RNASEH2A: variants seen among roughly 807,000 people sequenced by gnomAD.
The protein encoded by RNASEH2A is ribonuclease H2 subunit A.
Under a neutral mutation model 32.7 loss-of-function variants are expected in RNASEH2A, and 30 were observed. The observed-to-expected ratio is 0.92, with a 90% CI of 0.69 to 1.25. The LOEUF (loss-of-function observed/expected upper bound fraction) is 1.25. RNASEH2A is among the 50% of genes most tolerant of loss of function. The pLI, the probability that RNASEH2A is intolerant of heterozygous loss-of-function variation, is 0.00. For synonymous variants in RNASEH2A, 147 were observed against 165.4 expected (o/e 0.89, Z 0.86); for missense variants, 409 against 398.1 (o/e 1.03, Z -0.23).
intron 4 of RNASEH2A, 123 bp from the exon 5 acceptor site, chr19:12,809,948 A>T: frequency 7.9e-7 from 1 of 1,269,604 alleles, no homozygotes; most frequent in Non-Finnish European, 1.1e-6. Flanking sequence ...TCCCTGATTG[A>T]TCCATCCTGG....
At chr19:12,810,245 C>A (rs909878970) in intron 5 of RNASEH2A, 37 bp downstream of exon 5, 1 of 1,614,214 alleles carries the variant, frequency 6.2e-7, no homozygotes, top group Non-Finnish European at 8.5e-7. Flanking sequence ...CTTCCACCAT[C>A]CCACTATATA....
chr19:12,810,968 T>C (rs747254601), intron 6 of RNASEH2A, among the ~76,000 whole-genome samples: 4 of 152,048 alleles, frequency 2.6e-5, no homozygotes, highest in Non-Finnish European at 5.9e-5. Flanking sequence ...TGGCCCTTTT[T>C]TTCTTCTTTT....
chr19:12,813,248 G>C, intron 7 of RNASEH2A, 42 bp downstream of exon 7: 1 of 1,613,996 alleles, frequency 6.2e-7, no homozygotes, highest in Non-Finnish European at 8.5e-7. Flanking sequence ...AGGGAAGGAA[G>C]GAGGGAGGCC....
rs1452556115 is a variant in RNASEH2A, at chr19:12,813,204, A to T, written c.759A>T (p.Ile253=). 6.2e-7 allele frequency: 1 copy of T among 1,613,856 alleles called. No homozygotes were observed. Among genetic ancestry groups the T allele is most frequent in the African/African-American group, 1.3e-5 (1 of 74,906 alleles). ...TGGAGAAAGAGGCGGAAGATGTTAT[A>T]TGGTGGGTGTCATGGATGTCCTGGG... ...TILEKEAEDV[I]WEDSASENQE... The change falls in exon 7 of 8, where the codon ATA becomes ATT. Residue 253 remains isoleucine, a splice_region_variant and synonymous_variant. Transcript: ENST00000221486.
At position 12,813,117 on chromosome 19, in the gene RNASEH2A, G is replaced by A; in HGVS notation, c.672G>A (p.Val224=). The change falls in exon 7 of 8, where the codon GTG becomes GTA. Residue 224 remains valine (V), a synonymous_variant. Transcript: ENST00000221486. ...PKTKAWLKEH[V]EPVFGFPQFV... ...CAAAAGCGTGGTTGAAGGAGCACGTGGAGCCTGTGTTCGGCTTCCCCCAGT... is the reference window on the plus strand; with the variant it reads ...CAAAAGCGTGGTTGAAGGAGCACGTAGAGCCTGTGTTCGGCTTCCCCCAGT... 1 of 1,614,130 alleles carries A rather than the reference G, an allele frequency of 6.2e-7. No individual in the cohort carries two copies.
At chr19:12,807,127 G>C (rs1030736567) in intron 2 of RNASEH2A, 48 bp downstream of exon 2, 5 of 1,614,060 alleles carry the variant, frequency 3.1e-6, no homozygotes, top group Non-Finnish European at 4.2e-6. Context: ...GGTATGTGCA[G>C]GGGCAGGTGA....
At chr19:12,807,684 C>T in intron 4 of RNASEH2A, 178 bp downstream of exon 4, 1 of 669,418 alleles carries the variant, frequency 1.5e-6, no homozygotes, top group East Asian at 2.8e-5. Context: ...ATAATCGCAG[C>T]ACTTTGGGAA....
At chr19:12,807,730 G>C (rs1452943703) in intron 4 of RNASEH2A, 17 of 560,792 alleles carry the variant, frequency 3.0e-5, no homozygotes, top group South Asian at 5.7e-5. Context: ...TCAAGAGTTC[G>C]AGACCAGCCT....
rs1303399988 is a variant in RNASEH2A, at chr19:12,813,444, T to C, written c.878T>C (p.Leu293Pro). Reference protein sequence around the residue: ...SSHRYFLERGLESATSL With the variant: ...SSHRYFLERGPESATSL ...CACCGATATTTCCTGGAACGCGGCC[T>C]GGAGTCAGCAACCAGCCTCTAGCAG... is the stretch of plus-strand genomic sequence containing the variant. Residue 293 changes from leucine to proline, a missense_variant, in exon 8 of 8, where the codon CTG (leucine) becomes CCG (proline). Leu to Pro is a moderately conservative substitution (Grantham distance 98, BLOSUM62 -3). Coordinates refer to ENST00000221486, the MANE Select transcript of RNASEH2A (RefSeq NM_006397.3). 1.2e-6 allele frequency: 2 copies of C among 1,613,772 alleles called. No individual in the cohort carries two copies. Among genetic ancestry groups the C allele is most frequent in the Admixed American group, 3.3e-5 (2 of 59,990 alleles).
intron 4 of RNASEH2A, chr19:12,807,906 C>T (rs1228562227): frequency 1.6e-5 from 5 of 303,758 alleles, no homozygotes; most frequent in South Asian, 9.1e-5. Context: ...CACTCCAACC[C>T]GGGCAACAGA....
chr19:12,813,307 G>A, intron 7 of RNASEH2A, 21 bp from the exon 8 acceptor site: 14 of 1,614,152 alleles, frequency 8.7e-6, no homozygotes, highest in Non-Finnish European at 1.2e-5. Flanking sequence ...AGTGGTCACT[G>A]TCATCACCTC....
chr19:12,807,472 A>G lies in RNASEH2A; in HGVS notation c.377A>G (p.Gln126Arg). 6.2e-7 allele frequency: 1 copy of G among 1,614,200 alleles called. No homozygotes were observed. The highest frequency in any genetic ancestry group is 8.5e-7 in the Non-Finnish European group (1 of 1,180,044). Residue 126 changes from glutamine (Q) to arginine (R), a missense_variant, in exon 4 of 8, where the codon CAG becomes CGG. Transcript: ENST00000221486. ...LSHDTATGLI[Q>R]YALDQGVNVT... Reference sequence around the variant, plus strand: ...CATGATACAGCCACTGGGCTTATACAGTATGCATTGGACCAGGGCGTGAAC... The same window carrying G: ...CATGATACAGCCACTGGGCTTATACGGTATGCATTGGACCAGGGCGTGAAC...
In RNASEH2A at chr19:12,810,065, T is replaced by G. The variant is rs192358167; in HGVS notation, c.412-6T>G. 2,314 of 1,614,124 alleles carry G rather than the reference T, an allele frequency of 1.4e-3. 37 individuals are homozygous for G. Among genetic ancestry groups the G allele is most frequent in the Non-Finnish European group, 1.3e-4 (152 of 1,180,024 alleles). ...TTCAATTAATATGTGTCTGTTGCTG[T>G]GGCAGGTATTCGTGGACACCGTAGG... On this transcript the variant is annotated splice_region_variant and splice_polypyrimidine_tract_variant and intron_variant, in intron 4 of 7. Coordinates refer to ENST00000221486, the MANE Select transcript of RNASEH2A (RefSeq NM_006397.3).
At chr19:12,806,832 G>C (rs777495256) in intron 1 of RNASEH2A, 32 bp downstream of exon 1, 57 of 1,590,210 alleles carry the variant, frequency 3.6e-5, no homozygotes, top group Non-Finnish European at 1.7e-6. Flanking sequence ...GGGGAGGGGC[G>C]TGGTACGGAG....
At position 12,813,325 on chromosome 19, in the gene RNASEH2A, CA is replaced by C; in HGVS notation, c.762-2del. ...GGTCACTGTCATCACCTCTCTCCCA[CA>C]GGGAGGACTCAGCATCCGAGAATCA... is the stretch of plus-strand genomic sequence containing the variant. On this transcript the variant is annotated splice_acceptor_variant, in intron 7 of 7. Transcript: ENST00000221486. LOFTEE classifies it high-confidence loss of function. The C allele has an allele frequency of 6.2e-7, 1 of 1,614,172 alleles. No individual in the cohort carries two copies.
At chr19:12,813,236 A>G in intron 7 of RNASEH2A, 30 bp downstream of exon 7, 1 of 1,613,860 alleles carries the variant, frequency 6.2e-7, no homozygotes. Context: ...TGGGGGTGCT[A>G]TAGGGAAGGA....
At chr19:12,812,010 G>T (rs1969080867) in intron 6 of RNASEH2A, among the ~76,000 whole-genome samples, 1 of 151,996 alleles carries the variant, frequency 6.6e-6, no homozygotes, top group African/African-American at 2.4e-5. Flanking sequence ...GACAGAGGCA[G>T]GTAGATCATG....
chr19:12,812,694 T>G (rs933331198), intron 6 of RNASEH2A, among the ~76,000 whole-genome samples: 1 of 151,846 alleles, frequency 6.6e-6, no homozygotes, highest in Non-Finnish European at 1.5e-5. Context: ...CCCCAGGTAC[T>G]CAGGAGGAAG....
At position 12,806,630 on chromosome 19, in the gene RNASEH2A, C is replaced by T. The variant is rs1233352420; in HGVS notation, c.-44C>T. 2.0e-5 allele frequency: 31 copies of T among 1,560,412 alleles called. No individual in the cohort carries two copies. Among genetic ancestry groups the T allele is most frequent in the South Asian group, 1.1e-4 (9 of 84,792 alleles). Reference sequence around the variant, plus strand: ...GGAAAACGCGCGCCGAGACCCGCTCCTGCAGTATTAGTTCTTGCAGCTGGT... The same window carrying T: ...GGAAAACGCGCGCCGAGACCCGCTCTTGCAGTATTAGTTCTTGCAGCTGGT... On this transcript the variant is annotated 5_prime_UTR_variant, in exon 1 of 8. Transcript: ENST00000221486.
Sources: allele counts gnomAD v4.1 joint callset (sites outside exome capture counted in the v4.1 genomes callset), GRCh38; gene constraint gnomAD v4.1.1; transcripts MANE v1.5; gene names NCBI Gene and HGNC (gene_info 2026-07-23, HGNC 2026-07-21).